The following THSD7B variants were observed in gnomAD, a reference collection of about 807,000 sequenced individuals.
The protein encoded by THSD7B is thrombospondin type-1 domain-containing protein 7B.
THSD7B carries 138 observed loss-of-function variants against 213.6 expected under a neutral mutation model. The ratio of observed to expected loss-of-function variants is 0.65; its 90% confidence interval spans 0.56 to 0.74. The LOEUF (loss-of-function observed/expected upper bound fraction) is 0.74, where lower values mean the gene tolerates loss of function less well. Ranked by LOEUF, THSD7B falls within the 30% of genes least tolerant of loss-of-function variation. The probability of loss-of-function intolerance (pLI) is 0.00; values close to 1 mark genes in which losing one functional copy is unlikely to be tolerated. For synonymous variants in THSD7B, 742 were observed against 687.0 expected (o/e 1.08, Z -1.25); for missense variants, 1,931 against 1,991.5 (o/e 0.97, Z 0.58).
chr2:137,383,369 C>T (rs1685821661), intron 12 of THSD7B, among the ~76,000 whole-genome samples: 1 of 152,184 alleles, frequency 6.6e-6, no homozygotes, highest in African/African-American at 2.4e-5. Flanking sequence ...CAGGGTTCCA[C>T]CCTGTGGGTG....
At chr2:137,074,529 C>G (rs1005808215) in intron 3 of THSD7B, among the ~76,000 whole-genome samples, 2 of 152,162 alleles carry the variant, frequency 1.3e-5, no homozygotes, top group Non-Finnish European at 1.5e-5. Context: ...TGGGTCTTGA[C>G]TCTTTATCCA....
chr2:137,113,679 C>T (rs780907398), intron 4 of THSD7B, among the ~76,000 whole-genome samples: 13 of 152,140 alleles, frequency 8.5e-5, no homozygotes, highest in African/African-American at 1.7e-4. Flanking sequence ...TCAGGTGATC[C>T]GCCCACCTCA....
At chr2:137,543,510 C>G (rs969890615) in intron 15 of THSD7B, among the ~76,000 whole-genome samples, 1 of 151,734 alleles carries the variant, frequency 6.6e-6, no homozygotes, top group Admixed American at 6.6e-5. Flanking sequence ...ATATAAGCAC[C>G]AAAGCTGTAA....
chr2:137,573,042 C>G (rs941503698), intron 17 of THSD7B, among the ~76,000 whole-genome samples: 2 of 149,070 alleles, frequency 1.3e-5, no homozygotes, highest in African/African-American at 4.9e-5. Flanking sequence ...TCTACTTCTT[C>G]CAAAGCTAAC....
At chr2:137,061,170 C>A (rs186467223) in intron 3 of THSD7B, among the ~76,000 whole-genome samples, 18 of 151,380 alleles carry the variant, frequency 1.2e-4, no homozygotes, top group African/African-American at 4.3e-4. Flanking sequence ...ATAAGAAAAC[C>A]GTTAACTTTT....
At chr2:137,312,315 T>C (rs1296276529) in intron 12 of THSD7B, among the ~76,000 whole-genome samples, 1 of 152,118 alleles carries the variant, frequency 6.6e-6, no homozygotes, top group Admixed American at 6.5e-5. Context: ...TAGTATTCTC[T>C]GATGGTAGTT....
chr2:137,287,578 G>A lies in THSD7B; in HGVS notation c.2500+11552G>A, dbSNP rs561281535. Among the ~76,000 whole-genome samples, 3 of 152,194 alleles carry A rather than the reference G, an allele frequency of 2.0e-5. No homozygotes were observed. The South Asian group carries it at 6.3e-4, about 32-fold the overall frequency. On this transcript the variant is annotated intron_variant, in intron 12 of 27. Coordinates refer to ENST00000409968, the MANE Select transcript of THSD7B (RefSeq NM_001316349.2). ...TAAAAATAAATATTAAAAGAGATGA[G>A]CAACCTAAGGCAGTGATGCTTTAGT...
intron 17 of THSD7B, among the ~76,000 whole-genome samples, chr2:137,601,856 C>G: frequency 6.6e-6 from 1 of 152,182 alleles, no homozygotes; most frequent in East Asian, 1.9e-4. Context: ...GAATTTGAAA[C>G]TGAGCCTCAT....
At chr2:137,226,518 GA>G (rs1191626078) in intron 7 of THSD7B, among the ~76,000 whole-genome samples, 1 of 151,444 alleles carries the variant, frequency 6.6e-6, no homozygotes. Context: ...CATTTGAACT[GA>G]AAAAAAGAAA....
At chr2:137,395,250 A>G (rs1558782131) in intron 12 of THSD7B, among the ~76,000 whole-genome samples, 1 of 146,434 alleles carries the variant, frequency 6.8e-6, no homozygotes, top group Non-Finnish European at 1.5e-5. Flanking sequence ...CAGTTTTCAA[A>G]GGGAATGCTT....
At chr2:136,991,023 A>G in intron 2 of THSD7B, 1 of 1,077,308 alleles carries the variant, frequency 9.3e-7, no homozygotes, top group Admixed American at 2.5e-5. Context: ...TCCTCCCCAA[A>G]AAAGGAGAAA....
At chr2:136,787,310 C>T (rs1007498251) in intron 1 of THSD7B, among the ~76,000 whole-genome samples, 7 of 151,644 alleles carry the variant, frequency 4.6e-5, no homozygotes, top group African/African-American at 1.7e-4. Context: ...TGATTAAGTA[C>T]CCAAGTTTTA....
chr2:137,158,724 A>T (rs1031063281), intron 5 of THSD7B, among the ~76,000 whole-genome samples: 1 of 151,992 alleles, frequency 6.6e-6, no homozygotes, highest in Non-Finnish European at 1.5e-5. Flanking sequence ...CAGTGCTGAA[A>T]TTTATTTTCA....
intron 15 of THSD7B, among the ~76,000 whole-genome samples, chr2:137,547,779 TAAGTG>T (rs1332245276): frequency 2.6e-5 from 4 of 151,998 alleles, no homozygotes; most frequent in African/African-American, 9.7e-5. Flanking sequence ...GACTGTGGAA[TAAGTG>T]ATACGTAAGA....
intron 9 of THSD7B, among the ~76,000 whole-genome samples, chr2:137,240,564 G>A (rs1018113422): frequency 6.6e-6 from 1 of 151,984 alleles, no homozygotes; most frequent in Non-Finnish European, 1.5e-5. Flanking sequence ...GCTCTGGAGT[G>A]CAGGGGTATG....
At chr2:136,775,331 GA>G (rs1355585890) in intron 1 of THSD7B, among the ~76,000 whole-genome samples, 1 of 152,080 alleles carries the variant, frequency 6.6e-6, no homozygotes, top group East Asian at 1.9e-4. Context: ...TTCAAATAAT[GA>G]AGACAAAGTC....
rs115590994 is a variant in THSD7B at position 137,241,783 on chromosome 2, C to T, written c.2151-674C>T. ...AAAATTAGCCAGGCATGATGGTGCA[C>T]CTGTAATCCCAGCTACTTGAGAGGC... is the stretch of plus-strand genomic sequence containing the variant. On this transcript the variant is annotated intron_variant, in intron 9 of 27. Coordinates refer to ENST00000409968, the MANE Select transcript of THSD7B (RefSeq NM_001316349.2). Among the ~76,000 whole-genome samples, 663 of 152,046 alleles carry T rather than the reference C, an allele frequency of 4.4e-3. 8 individuals carry two copies. Among genetic ancestry groups the T allele is most frequent in the African/African-American group, 0.015 (635 of 41,466 alleles).
At position 136,910,056 on chromosome 2, in the gene THSD7B, T is replaced by G. The variant is rs138540008; in HGVS notation, c.139+27739T>G. 6.3e-4 allele frequency among the ~76,000 whole-genome samples: 96 copies of G among 152,192 alleles called. 1 individual carries two copies. Among genetic ancestry groups the G allele is most frequent in the Non-Finnish European group, 1.3e-3 (87 of 68,012 alleles). On this transcript the variant is annotated intron_variant, in intron 2 of 27. Coordinates refer to ENST00000409968, the MANE Select transcript of THSD7B (RefSeq NM_001316349.2). ...AATATCTCTGCTGGCTTGAGCACCT[T>G]TCAAGAATAGTGCTTTAGGTTTCAG... is the stretch of plus-strand genomic sequence containing the variant.
chr2:137,507,759 T>G (rs1006585120), intron 15 of THSD7B, among the ~76,000 whole-genome samples: 1 of 152,148 alleles, frequency 6.6e-6, no homozygotes, highest in African/African-American at 2.4e-5. Context: ...TCTCCCTCCC[T>G]TCCTTTCATT....
Sources: gnomAD v4.1 joint callset for allele counts (sites outside exome capture counted in the v4.1 genomes callset) on GRCh38, gnomAD v4.1.1 for gene constraint, MANE v1.5 for transcripts, NCBI Gene and HGNC (gene_info 2026-07-23, HGNC 2026-07-21) for gene names.